RHOBTB1: variants seen among roughly 807,000 people sequenced by gnomAD.
RHOBTB1 encodes Rho related BTB domain containing 1.
Under a neutral mutation model 71.6 loss-of-function variants are expected in RHOBTB1, and 40 were observed. That is an observed-to-expected ratio of 0.56 (90% CI 0.43 to 0.73). The LOEUF (loss-of-function observed/expected upper bound fraction) is 0.73, where lower values mean the gene tolerates loss of function less well. Ranked by LOEUF, RHOBTB1 falls within the 30% of genes least tolerant of loss-of-function variation. The pLI is 0.00. For synonymous variants in RHOBTB1, 319 were observed against 334.9 expected (o/e 0.95, Z 0.52); for missense variants, 797 against 894.0 (o/e 0.89, Z 1.38).
chr10:60,871,686 G>A (rs531342963), intron 10 of RHOBTB1, 35 bp from the exon 11 acceptor site: 19 of 1,594,712 alleles, frequency 1.2e-5, no homozygotes, highest in African/African-American at 6.7e-5. Flanking sequence ...TAAGACCTGC[G>A]GTTCATTGAT....
intron 1 of RHOBTB1, among the ~76,000 whole-genome samples, chr10:61,000,707 T>A (rs2087232523): frequency 6.6e-6 from 1 of 151,966 alleles, no homozygotes; most frequent in Non-Finnish European, 1.5e-5. Context: ...ATCAAGTGAG[T>A]ATTCAAGCTC....
At chr10:60,955,406 C>A (rs2085558347) in intron 2 of RHOBTB1, among the ~76,000 whole-genome samples, 1 of 152,148 alleles carries the variant, frequency 6.6e-6, no homozygotes, top group Non-Finnish European at 1.5e-5. Flanking sequence ...ACTGAACACA[C>A]TTTGTGAACA....
intron 2 of RHOBTB1, among the ~76,000 whole-genome samples, chr10:60,918,227 C>G (rs1356896243): frequency 6.6e-6 from 1 of 152,194 alleles, no homozygotes; most frequent in African/African-American, 2.4e-5. Flanking sequence ...AATGGTGACT[C>G]TCTCTGAGGG....
At chr10:60,956,898 A>G (rs376586327) in intron 2 of RHOBTB1, among the ~76,000 whole-genome samples, 10 of 152,344 alleles carry the variant, frequency 6.6e-5, no homozygotes, top group African/African-American at 2.4e-4. Flanking sequence ...AAGGGTCCAG[A>G]GTTTGAATGC....
intron 2 of RHOBTB1, among the ~76,000 whole-genome samples, chr10:60,965,809 A>G (rs2085937421): frequency 6.6e-6 from 1 of 152,132 alleles, no homozygotes; most frequent in African/African-American, 2.4e-5. Context: ...TCCATCCTAG[A>G]ATTCATTTTC....
intron 2 of RHOBTB1, among the ~76,000 whole-genome samples, chr10:60,952,834 T>C (rs887576782): frequency 6.6e-6 from 1 of 152,088 alleles, no homozygotes; most frequent in East Asian, 1.9e-4. Context: ...CTGATCTCTA[T>C]GACGTGACAA....
At chr10:60,993,226 G>T (rs1165310079) in intron 1 of RHOBTB1, among the ~76,000 whole-genome samples, 1 of 151,990 alleles carries the variant, frequency 6.6e-6, no homozygotes, top group African/African-American at 2.4e-5. Context: ...TCTTTCCAAA[G>T]GTCTACTGCT....
At position 60,911,605 on chromosome 10, in the gene RHOBTB1, A is replaced by G; in HGVS notation, c.-10-53T>C. 4.8e-6 allele frequency: 7 copies of G among 1,450,012 alleles called. No homozygotes were observed. The South Asian group carries it at 5.9e-5, about 12-fold the overall frequency. The allele number at this position is 1,450,012 out of a possible 1,614,324, so 89.8% of individuals were successfully genotyped here. ...AAGGACACCAAGGCTTTCCAGAGCA[A>G]TCAAAGACGTAAGAGGTTCAGGGAG... On this transcript the variant is annotated intron_variant, in intron 2 of 10. Transcript: ENST00000337910.
intron 2 of RHOBTB1, among the ~76,000 whole-genome samples, chr10:60,980,906 G>A (rs971668540): frequency 6.6e-6 from 1 of 152,118 alleles, no homozygotes; most frequent in African/African-American, 2.4e-5. Context: ...TCTGAAGTAG[G>A]TTACTACATT....
chr10:60,975,595 A>G (rs2086289187), intron 2 of RHOBTB1, among the ~76,000 whole-genome samples: 1 of 152,136 alleles, frequency 6.6e-6, no homozygotes. Flanking sequence ...TGTGGAAGCA[A>G]GATGGAGTTT....
chr10:60,935,097 T>TA (rs1404886553), intron 2 of RHOBTB1, among the ~76,000 whole-genome samples: 2 of 152,108 alleles, frequency 1.3e-5, no homozygotes, highest in African/African-American at 4.8e-5. Context: ...CCATCAACAG[T>TA]AAAATGGATT....
intron 2 of RHOBTB1, among the ~76,000 whole-genome samples, chr10:60,975,822 T>A (rs923968597): frequency 6.6e-6 from 1 of 152,056 alleles, no homozygotes; most frequent in African/African-American, 2.4e-5. Context: ...ACTGTAATAA[T>A]GGGTTCTGAG....
intron 1 of RHOBTB1, among the ~76,000 whole-genome samples, chr10:60,997,918 T>A (rs2087113318): frequency 6.6e-6 from 1 of 152,330 alleles, no homozygotes; most frequent in South Asian, 2.1e-4. Context: ...GTGAAAAGAA[T>A]GCTGTTTATA....
At chr10:60,944,927 CTGAG>C (rs1291109242), upstream of RHOBTB1, among the ~76,000 whole-genome samples, 2 of 152,296 alleles carry the variant, frequency 1.3e-5, no homozygotes, top group African/African-American at 2.4e-5. Flanking sequence ...CTGCAAATGG[CTGAG>C]TGAGGAGGTG....
chr10:60,886,161 C>G lies in RHOBTB1; in HGVS notation c.1526G>C (p.Trp509Ser). The G allele has an allele frequency of 6.2e-7, 1 of 1,614,108 alleles. No individual in the cohort carries two copies. The highest frequency in any genetic ancestry group is 8.5e-7 in the Non-Finnish European group (1 of 1,179,974). Residue 509 changes from tryptophan to serine, a missense_variant, in exon 7 of 11, where the codon TGG (tryptophan) becomes TCG (serine). Trp to Ser is a radical substitution (Grantham distance 177, BLOSUM62 -3). Around this residue, in one of 2 missense-constraint regions of RHOBTB1, gnomAD observed 658 missense variants for 681.5 expected, o/e 0.97. Transcript: ENST00000337910. ...HKPLLICSCE[W>S]MAAMFGGSFV... ...TGACCCCCCGAACATGGCTGCCATC[C>G]ACTCACAGCTACAGATCAGCAGCGG... is the stretch of plus-strand genomic sequence containing the variant.
At position 60,903,095 on chromosome 10, in the gene RHOBTB1, G is replaced by A. The variant is rs185470897; in HGVS notation, c.296+7792C>T. Among the ~76,000 whole-genome samples, 631 of 152,300 alleles carry A rather than the reference G, an allele frequency of 4.1e-3. 3 individuals carry two copies. The highest frequency in any genetic ancestry group is 6.5e-3 in the Non-Finnish European group (442 of 68,038). ...CGGAGAGACACCTCACCTGGATTCC[G>A]AAGGTGACAGAGAGGGTGGGAAGAG... On this transcript the variant is annotated intron_variant, in intron 4 of 10. Coordinates refer to ENST00000337910, the MANE Select transcript of RHOBTB1 (RefSeq NM_014836.5).
At chr10:60,861,952 AG>A in the RHOBTB1 span, among the ~76,000 whole-genome samples, 1 of 152,164 alleles carries the variant, frequency 6.6e-6, no homozygotes, top group African/African-American at 2.4e-5. Flanking sequence ...TGCAGCTGGC[AG>A]GGTTGCTTAG....
At chr10:60,920,955 G>GTT (rs71018934) in intron 2 of RHOBTB1, among the ~76,000 whole-genome samples, 135 of 139,880 alleles carry the variant, frequency 9.7e-4, no homozygotes, top group African/African-American at 3.3e-3. Flanking sequence ...TTTTTTTTTT[G>GTT]TTTTTTTTTT....
rs1480921641 is a variant in RHOBTB1, at chr10:60,917,601, C to T, written c.-10-6049G>A. Among the ~76,000 whole-genome samples, 5 of 152,296 alleles carry T rather than the reference C, an allele frequency of 3.3e-5. No individual in the cohort carries two copies. In the East Asian group the frequency reaches 9.7e-4, roughly 29 times the overall value. ...ACACAAAGCTCTGGTGTCTCTTCCT[C>T]TTCCTAAAAGGGCACTAATCTCATC... On this transcript the variant is annotated intron_variant, in intron 2 of 10. Transcript: ENST00000337910.
Sources: gnomAD v4.1 joint callset for allele counts (sites outside exome capture counted in the v4.1 genomes callset) on GRCh38, gnomAD v4.1.1 for gene constraint, gnomAD v4.1.1 regional missense constraint, MANE v1.5 for transcripts, NCBI Gene and HGNC (gene_info 2026-07-23, HGNC 2026-07-21) for gene names.